ATP8A1: variants seen among roughly 807,000 people sequenced by gnomAD.
ATP8A1 encodes the protein ATPase phospholipid transporting 8A1.
ATP8A1 carries 90 observed loss-of-function variants against 177.7 expected under a neutral mutation model. The ratio of observed to expected loss-of-function variants is 0.51; its 90% CI spans 0.43 to 0.60. ATP8A1 has a LOEUF of 0.60. ATP8A1 is among the 20% of genes least tolerant of loss of function. The pLI, the probability that ATP8A1 is intolerant of heterozygous loss-of-function variation, is 0.00. For synonymous variants in ATP8A1, 493 were observed against 485.9 expected (o/e 1.01, Z -0.19); for missense variants, 1,072 against 1,392.8 (o/e 0.77, Z 3.67).
At chr4:42,525,009 C>T (rs1726539326) in intron 20 of ATP8A1, among the ~76,000 whole-genome samples, 162 bp from the exon 21 acceptor site, 1 of 152,178 alleles carries the variant, frequency 6.6e-6, no homozygotes, top group Non-Finnish European at 1.5e-5. Context: ...TACTATTTTG[C>T]TAGTGACATT....
In ATP8A1 at chr4:42,547,284, A is replaced by T. The variant is rs202051551; in HGVS notation, c.1652+1729T>A. On this transcript the variant is annotated intron_variant, in intron 19 of 36. Coordinates refer to ENST00000381668, the MANE Select transcript of ATP8A1 (RefSeq NM_006095.2). ...TTTCGCCTTCTACTGCCAATCCCTC[A>T]CAAAGTCTCTCAGATATTCCTCTAC... 3.0e-4 allele frequency among the ~76,000 whole-genome samples: 45 copies of T among 152,244 alleles called. 1 individual carries two copies. In the East Asian group the frequency reaches 7.9e-3, roughly 27 times the overall value.
intron 12 of ATP8A1, among the ~76,000 whole-genome samples, chr4:42,577,998 A>G (rs937147761): frequency 2.6e-5 from 4 of 152,140 alleles, no homozygotes; most frequent in African/African-American, 9.6e-5. Context: ...TAATTCAGAC[A>G]CTTAACTCCA....
chr4:42,489,678 G>A (rs955298896), intron 24 of ATP8A1, among the ~76,000 whole-genome samples: 1 of 152,152 alleles, frequency 6.6e-6, no homozygotes, highest in African/African-American at 2.4e-5. Flanking sequence ...TTACTGCCGG[G>A]AGTATTTTCA....
At chr4:42,443,989 C>T (rs990500004) in intron 32 of ATP8A1, among the ~76,000 whole-genome samples, 6 of 152,178 alleles carry the variant, frequency 3.9e-5, no homozygotes, top group African/African-American at 1.4e-4. Flanking sequence ...TCTGCATGCT[C>T]TCACCGAAAC....
intron 33 of ATP8A1, among the ~76,000 whole-genome samples, chr4:42,438,314 C>G (rs895230053): frequency 1.3e-5 from 2 of 152,176 alleles, no homozygotes; most frequent in African/African-American, 4.8e-5. Flanking sequence ...TGAGTGACTA[C>G]ATGAAAAGTG....
At chr4:42,450,057 T>C (rs1717764146) in intron 30 of ATP8A1, among the ~76,000 whole-genome samples, 1 of 152,202 alleles carries the variant, frequency 6.6e-6, no homozygotes, top group African/African-American at 2.4e-5. Flanking sequence ...TCAGGGTATC[T>C]TGAATTGTAC....
chr4:42,567,526 G>GAGA (rs1731481325), intron 15 of ATP8A1, among the ~76,000 whole-genome samples: 6 of 152,174 alleles, frequency 3.9e-5, no homozygotes. Flanking sequence ...GTGATAGAGT[G>GAGA]AGACTCCCTC....
At chr4:42,462,782 G>A (rs139874007) in intron 27 of ATP8A1, among the ~76,000 whole-genome samples, 17 of 152,286 alleles carry the variant, frequency 1.1e-4, no homozygotes, top group South Asian at 4.1e-4. Context: ...GAAGGCAGCT[G>A]GGAGGGAGGC....
At chr4:42,555,720 G>A (rs1053986392) in intron 16 of ATP8A1, among the ~76,000 whole-genome samples, 11 of 152,230 alleles carry the variant, frequency 7.2e-5, no homozygotes, top group African/African-American at 2.6e-4. Flanking sequence ...CTACTGGGGA[G>A]GCTGAGGCAG....
chr4:42,553,949 C>T lies in ATP8A1; in HGVS notation c.1414-1339G>A, dbSNP rs577913721. On this transcript the variant is annotated intron_variant, in intron 16 of 36. Coordinates refer to ENST00000381668, the MANE Select transcript of ATP8A1 (RefSeq NM_006095.2). ...GTGCTTTCCATCAAGCAGGAAAGGTCGTAAAGAAGGAAAAAAACGATGTGT... is the reference window on the plus strand; with the variant it reads ...GTGCTTTCCATCAAGCAGGAAAGGTTGTAAAGAAGGAAAAAAACGATGTGT... Among the ~76,000 whole-genome samples, 12 of 151,628 alleles carry T rather than the reference C, an allele frequency of 7.9e-5. No individual in the cohort carries two copies. In the East Asian group the frequency reaches 1.6e-3, roughly 20 times the overall value.
chr4:42,653,340 T>TTTTC (rs1553924017), intron 1 of ATP8A1, among the ~76,000 whole-genome samples: 1 of 151,892 alleles, frequency 6.6e-6, no homozygotes, highest in Non-Finnish European at 1.5e-5. Context: ...TTTGTGTGTG[T>TTTTC]TTTGTCTCCT....
At chr4:42,635,780 C>CATATATATATATATAT (rs1317800276) in intron 1 of ATP8A1, among the ~76,000 whole-genome samples, 174 of 43,332 alleles carry the variant, frequency 4.0e-3, no homozygotes, top group South Asian at 0.01. Flanking sequence ...CACACACACA[C>CATATATATATATATAT]ACATATATAT....
At position 42,627,006 on chromosome 4, in the gene ATP8A1, A is replaced by G. The variant is rs2109492985; in HGVS notation, c.153T>C (p.Asn51=). Residue 51 remains asparagine (N), a synonymous_variant, in exon 2 of 37, where the codon AAT becomes AAC. Transcript: ENST00000381668. The part of the protein sequence containing the change: ...INQPQLTKFC[N]NHVSTAKYNI... Reference sequence around the variant, plus strand: ...TTGGTAGTTCTTACCTGACATGGTTATTGCAGAATTTTGTCAGCTGGGGCT... The same window carrying G: ...TTGGTAGTTCTTACCTGACATGGTTGTTGCAGAATTTTGTCAGCTGGGGCT... 1 of 1,613,772 alleles carries G rather than the reference A, an allele frequency of 6.2e-7. No homozygotes were observed. The highest frequency in any genetic ancestry group is 8.5e-7 in the Non-Finnish European group (1 of 1,179,692).
chr4:42,600,563 G>A, intron 5 of ATP8A1, 45 bp from the exon 6 acceptor site: 4 of 1,560,406 alleles, frequency 2.6e-6, no homozygotes, highest in Non-Finnish European at 3.5e-6. Flanking sequence ...GTTTTACTAT[G>A]AAAAGGCCAT....
intron 15 of ATP8A1, among the ~76,000 whole-genome samples, chr4:42,568,771 C>T (rs1731602180): frequency 6.6e-6 from 1 of 152,024 alleles, no homozygotes; most frequent in African/African-American, 2.4e-5. Context: ...GTTTCAGTAG[C>T]CTCTTTTGGT....
chr4:42,557,949 C>T (rs1348836485), intron 15 of ATP8A1, among the ~76,000 whole-genome samples: 1 of 152,048 alleles, frequency 6.6e-6, no homozygotes, highest in Non-Finnish European at 1.5e-5. Flanking sequence ...ATCGCTTGAA[C>T]CTGGGAGGTG....
intron 4 of ATP8A1, among the ~76,000 whole-genome samples, chr4:42,623,481 C>T (rs147948141): frequency 1.7e-4 from 26 of 152,138 alleles, no homozygotes; most frequent in South Asian, 8.3e-4. Flanking sequence ...AAACAAAACG[C>T]GGTACATATA....
chr4:42,637,182 G>A (rs768144143), intron 1 of ATP8A1: 6 of 518,954 alleles, frequency 1.2e-5, no homozygotes, highest in South Asian at 8.4e-5. Context: ...ATGGAATGAT[G>A]ACCTGGAACC....
rs113686627 is a variant in ATP8A1, at chr4:42,555,476, T to C, written c.1413+492A>G. ...ATTAAAATCAAATTAATAACCACCATGAATTAATGTTGGCCAAGTAAAAAG... is the reference window on the plus strand; with the variant it reads ...ATTAAAATCAAATTAATAACCACCACGAATTAATGTTGGCCAAGTAAAAAG... On this transcript the variant is annotated intron_variant, in intron 16 of 36. Transcript: ENST00000381668. 6.5e-3 allele frequency among the ~76,000 whole-genome samples: 988 copies of C among 152,212 alleles called. 9 individuals are homozygous for C. The highest frequency in any genetic ancestry group is 0.022 in the African/African-American group (905 of 41,530).
Sources: gnomAD v4.1 joint callset for allele counts (sites outside exome capture counted in the v4.1 genomes callset) on GRCh38, gnomAD v4.1.1 for gene constraint, MANE v1.5 for transcripts, NCBI Gene and HGNC (gene_info 2026-07-23, HGNC 2026-07-21) for gene names.